Variants in CYP2J2 observed in about 807,000 individuals in gnomAD.
CYP2J2 encodes the protein cytochrome P450 2J2.
A neutral mutation model predicts 48.8 loss-of-function variants in CYP2J2; 41 were observed. The ratio of observed to expected loss-of-function variants is 0.84; its 90% CI spans 0.66 to 1.09. The LOEUF (loss-of-function observed/expected upper bound fraction) is 1.09, where lower values mean the gene tolerates loss of function less well. CYP2J2 is among the 50% of genes least tolerant of loss of function. The pLI, the probability that CYP2J2 is intolerant of heterozygous loss-of-function variation, is 0.00. For missense variants in CYP2J2, 644 were observed against 617.3 expected (o/e 1.04, Z -0.46); for synonymous variants, 221 against 227.1 (o/e 0.97, Z 0.24).
chr1:59,932,147 G>A, the CYP2J2 span, among the ~76,000 whole-genome samples: 1 of 152,078 alleles, frequency 6.6e-6, no homozygotes, highest in Non-Finnish European at 1.5e-5. Flanking sequence ...ACCTAAGTGT[G>A]TGAAAAGTAT....
the CYP2J2 span, among the ~76,000 whole-genome samples, chr1:59,947,974 A>G: frequency 4.3e-4 from 66 of 152,256 alleles, no homozygotes; most frequent in African/African-American, 1.4e-3. Context: ...GGAAGAATGC[A>G]ATGGTTCTTT....
At chr1:59,908,272 T>G (rs1038840705) in intron 5 of CYP2J2, among the ~76,000 whole-genome samples, 2 of 152,222 alleles carry the variant, frequency 1.3e-5, no homozygotes, top group Middle Eastern at 3.2e-3. Flanking sequence ...CTGTGTGACC[T>G]AGGGCAAGTC....
the CYP2J2 span, among the ~76,000 whole-genome samples, chr1:59,940,073 C>T: frequency 6.6e-6 from 1 of 152,180 alleles, no homozygotes; most frequent in East Asian, 1.9e-4. Flanking sequence ...GCTCTACCCC[C>T]TGCGGCAGAG....
At chr1:59,952,657 A>C in the CYP2J2 span, among the ~76,000 whole-genome samples, 3 of 152,200 alleles carry the variant, frequency 2.0e-5, no homozygotes, top group Non-Finnish European at 4.4e-5. Flanking sequence ...CTGAGTCCTC[A>C]GCAGCTGGCA....
chr1:59,952,089 C>T, the CYP2J2 span, among the ~76,000 whole-genome samples: 1 of 152,086 alleles, frequency 6.6e-6, no homozygotes, highest in African/African-American at 2.4e-5. Context: ...CACCCTGGTC[C>T]CAAATGAGAC....
chr1:59,967,672 G>A, the CYP2J2 span, among the ~76,000 whole-genome samples: 79 of 152,368 alleles, frequency 5.2e-4, 1 homozygote, highest in Non-Finnish European at 9.1e-4. Flanking sequence ...CAAAGCCTCT[G>A]CCTCCTGTGT....
At chr1:59,946,433 T>G in the CYP2J2 span, among the ~76,000 whole-genome samples, 1 of 152,238 alleles carries the variant, frequency 6.6e-6, no homozygotes, top group Non-Finnish European at 1.5e-5. Context: ...CTTTCCTACT[T>G]TATTTTTTTC....
At chr1:59,949,133 C>T in the CYP2J2 span, among the ~76,000 whole-genome samples, 1 of 152,108 alleles carries the variant, frequency 6.6e-6, no homozygotes, top group East Asian at 1.9e-4. Flanking sequence ...CTCCTTCTAC[C>T]CTGTCTCTGT....
chr1:59,950,713 C>G, the CYP2J2 span, among the ~76,000 whole-genome samples: 7 of 152,198 alleles, frequency 4.6e-5, no homozygotes, highest in Non-Finnish European at 8.8e-5. Flanking sequence ...CTGTTCATCT[C>G]AGTCCTGTGT....
upstream of CYP2J2, chr1:59,926,787 G>T (rs774447745): frequency 1.9e-6 from 3 of 1,551,208 alleles, no homozygotes; most frequent in Non-Finnish European, 2.6e-6. Flanking sequence ...CCAAGCAGGC[G>T]GCGGTCCCAG....
At chr1:59,925,133 G>A (rs1424971675) in intron 1 of CYP2J2, among the ~76,000 whole-genome samples, 1 of 152,088 alleles carries the variant, frequency 6.6e-6, no homozygotes, top group African/African-American at 2.4e-5. Context: ...AAACAACAGA[G>A]TTTCTAAATA....
At chr1:59,960,657 A>G in the CYP2J2 span, among the ~76,000 whole-genome samples, 1 of 152,330 alleles carries the variant, frequency 6.6e-6, no homozygotes, top group African/African-American at 2.4e-5. Context: ...AGCCTGGCCA[A>G]CTTGGTGAAA....
chr1:59,963,934 T>G, the CYP2J2 span, among the ~76,000 whole-genome samples: 1 of 152,132 alleles, frequency 6.6e-6, no homozygotes, highest in African/African-American at 2.4e-5. Context: ...TTTTATAAAT[T>G]AAAATTTATA....
chr1:59,940,607 G>C, the CYP2J2 span, among the ~76,000 whole-genome samples: 1 of 152,174 alleles, frequency 6.6e-6, no homozygotes, highest in Non-Finnish European at 1.5e-5. Context: ...TCCAACTACT[G>C]AGTGCATACT....
chr1:59,912,221 A>G lies in CYP2J2; in HGVS notation c.464T>C (p.Leu155Ser). 6.2e-7 allele frequency: 1 copy of G among 1,613,830 alleles called. No homozygotes were observed. The highest frequency in any genetic ancestry group is 8.5e-7 in the Non-Finnish European group (1 of 1,179,822). ...GGCCTCCTCCTGAATGCGTTCCTCT[A>G]AGCTCTTCTTTCCTAAACCAAAGTT... The part of the protein sequence containing the change: ...LRNFGLGKKS[L>S]EERIQEEAQH... The change falls in exon 3 of 9, where the codon TTA becomes TCA. Residue 155 changes from leucine (L) to serine (S), a missense_variant. Transcript: ENST00000371204.
chr1:59,960,027 C>T, the CYP2J2 span, among the ~76,000 whole-genome samples: 1 of 152,104 alleles, frequency 6.6e-6, no homozygotes, highest in African/African-American at 2.4e-5. Context: ...ATGCCACCTG[C>T]TCCCCCAAAA....
At chr1:59,896,224 A>G (rs1644267557) in intron 8 of CYP2J2, among the ~76,000 whole-genome samples, 1 of 152,068 alleles carries the variant, frequency 6.6e-6, no homozygotes, top group African/African-American at 2.4e-5. Flanking sequence ...CCTAGCTTAT[A>G]TCAGTGGGCA....
At chr1:59,967,197 GA>G in the CYP2J2 span, among the ~76,000 whole-genome samples, 1 of 152,102 alleles carries the variant, frequency 6.6e-6, no homozygotes, top group African/African-American at 2.4e-5. Flanking sequence ...CTTGCTCGAG[GA>G]GCCACAAAGC....
At chr1:59,956,902 T>A in the CYP2J2 span, among the ~76,000 whole-genome samples, 13 of 152,124 alleles carry the variant, frequency 8.5e-5, no homozygotes, top group South Asian at 1.9e-3. Flanking sequence ...TCTGCTTATC[T>A]TAGCCATAAG....
Sources: allele counts gnomAD v4.1 joint callset (sites outside exome capture counted in the v4.1 genomes callset), GRCh38; gene constraint gnomAD v4.1.1; transcripts MANE v1.5; gene names NCBI Gene and HGNC (gene_info 2026-07-23, HGNC 2026-07-21).